Variants in APBA1 observed in about 807,000 individuals in gnomAD.
APBA1 encodes amyloid-beta A4 precursor protein-binding family A member 1.
In APBA1, 55 loss-of-function variants were observed where a neutral mutation model predicts 86.6. The ratio of observed to expected loss-of-function variants is 0.64; its 90% CI spans 0.51 to 0.80. The LOEUF is 0.80. APBA1 is among the 30% of genes least tolerant of loss of function. The pLI is 0.00. For synonymous variants in APBA1, 511 were observed against 493.9 expected (o/e 1.03, Z -0.46); for missense variants, 1,090 against 1,183.0 (o/e 0.92, Z 1.15).
chr9:69,457,023 A>C (rs1403618188), intron 7 of APBA1, 30 bp downstream of exon 7: 3 of 1,583,126 alleles, frequency 1.9e-6, no homozygotes, highest in Non-Finnish European at 2.6e-6. Flanking sequence ...ACTAAGCTTC[A>C]CCCTGGGAAA....
At chr9:69,552,286 C>T (rs1343992786) in intron 1 of APBA1, among the ~76,000 whole-genome samples, 1 of 152,232 alleles carries the variant, frequency 6.6e-6, no homozygotes, top group Non-Finnish European at 1.5e-5. Context: ...ATGTCCTCCA[C>T]CTTGCTTGAT....
chr9:69,446,275 C>T (rs191312122), intron 10 of APBA1, among the ~76,000 whole-genome samples: 5 of 152,026 alleles, frequency 3.3e-5, no homozygotes, highest in Middle Eastern at 3.4e-3. Context: ...GGGTGGTCCA[C>T]GGACGGACCA....
chr9:69,576,405 A>G (rs1821797848), intron 1 of APBA1, among the ~76,000 whole-genome samples: 1 of 152,220 alleles, frequency 6.6e-6, no homozygotes. Flanking sequence ...ACACATGCAC[A>G]CTTATGTTTA....
intron 5 of APBA1, chr9:69,464,566 G>T (rs1406060847): frequency 1.3e-5 from 2 of 152,200 alleles, no homozygotes; most frequent in African/African-American, 4.8e-5. Flanking sequence ...TGATTCAAAT[G>T]AACTGTGGAA....
chr9:69,450,911 C>CTTGG (rs1298195154), intron 9 of APBA1, among the ~76,000 whole-genome samples: 3 of 152,076 alleles, frequency 2.0e-5, no homozygotes, highest in Non-Finnish European at 4.4e-5. Context: ...CATCTACAAG[C>CTTGG]CAGAGAAAGG....
At chr9:69,532,299 G>C (rs1298877048) in intron 1 of APBA1, among the ~76,000 whole-genome samples, 2 of 152,146 alleles carry the variant, frequency 1.3e-5, no homozygotes, top group East Asian at 3.9e-4. Flanking sequence ...AAGTGAGACT[G>C]CTTCACTTTA....
intron 5 of APBA1, chr9:69,462,053 G>C (rs1332724037): frequency 1.3e-5 from 2 of 152,222 alleles, no homozygotes; most frequent in Admixed American, 1.3e-4. Context: ...GGCTAGTTAA[G>C]ATGAATATAT....
chr9:69,519,501 A>G lies in APBA1; in HGVS notation c.-69-2222T>C, dbSNP rs541430459. On this transcript the variant is annotated intron_variant, in intron 1 of 12. Coordinates refer to ENST00000265381, the MANE Select transcript of APBA1 (RefSeq NM_001163.4). ...TTCATAAGGACTTTCTCAAAAAGAC[A>G]ACAGATAAACCTTCATTAAATCTAC... is the stretch of plus-strand genomic sequence containing the variant. Among the ~76,000 whole-genome samples, 48 of 152,390 alleles carry G rather than the reference A, an allele frequency of 3.1e-4. No individual in the cohort carries two copies. In the South Asian group the frequency reaches 6.6e-3, roughly 21 times the overall value.
chr9:69,561,083 T>C (rs1049696893), intron 1 of APBA1, among the ~76,000 whole-genome samples: 2 of 152,184 alleles, frequency 1.3e-5, no homozygotes, highest in African/African-American at 4.8e-5. Context: ...AATACCACTT[T>C]ACAAAAATCC....
chr9:69,436,265 C>G (rs1834717805), intron 11 of APBA1, among the ~76,000 whole-genome samples: 2 of 149,852 alleles, frequency 1.3e-5, no homozygotes, highest in South Asian at 2.1e-4. Flanking sequence ...AATGTGGGCT[C>G]TTTTTTGGTT....
chr9:69,599,279 T>G (rs1026152047), intron 1 of APBA1, among the ~76,000 whole-genome samples: 1 of 152,238 alleles, frequency 6.6e-6, no homozygotes, highest in African/African-American at 2.4e-5. Context: ...CTGCATTTCA[T>G]TCCAACTGTC....
At chr9:69,621,614 G>A (rs893117352) in intron 1 of APBA1, among the ~76,000 whole-genome samples, 2 of 152,174 alleles carry the variant, frequency 1.3e-5, no homozygotes, top group Non-Finnish European at 2.9e-5. Flanking sequence ...TTCCACATCT[G>A]TAAAACATGT....
At chr9:69,456,124 G>T in intron 8 of APBA1, 123 bp downstream of exon 8, 1 of 1,103,976 alleles carries the variant, frequency 9.1e-7, no homozygotes, top group Non-Finnish European at 1.3e-6. Flanking sequence ...TGCTGGAACA[G>T]TGCCTGACAC....
At chr9:69,441,551 T>TCTTCTAACAAAG (rs1222115335) in intron 10 of APBA1, among the ~76,000 whole-genome samples, 2 of 152,250 alleles carry the variant, frequency 1.3e-5, no homozygotes, top group Non-Finnish European at 2.9e-5. Context: ...CAATGACTCC[T>TCTTCTAACAAAG]CTTCTAACAA....
At chr9:69,496,753 GA>G (rs60684348) in intron 2 of APBA1, among the ~76,000 whole-genome samples, 2,099 of 152,150 alleles carry the variant, frequency 0.014, 46 homozygotes, top group African/African-American at 0.048. Context: ...ATTATTTAAA[GA>G]GAGAAAATCT....
intron 2 of APBA1, among the ~76,000 whole-genome samples, chr9:69,511,719 T>G (rs1222312860): frequency 1.6e-4 from 25 of 151,884 alleles, no homozygotes; most frequent in African/African-American, 5.8e-4. Context: ...GTGGCACATA[T>G]ACACCATGGA....
intron 1 of APBA1, among the ~76,000 whole-genome samples, chr9:69,658,105 C>G (rs1211484971): frequency 6.6e-6 from 1 of 152,190 alleles, no homozygotes; most frequent in Non-Finnish European, 1.5e-5. Flanking sequence ...CCAGCAGCTA[C>G]TTCTCAGGAA....
chr9:69,661,841 C>T (rs1182792608), intron 1 of APBA1, among the ~76,000 whole-genome samples: 2 of 152,062 alleles, frequency 1.3e-5, no homozygotes, highest in South Asian at 2.1e-4. Context: ...CGCACACACT[C>T]GCTGTCTTTC....
At chr9:69,576,846 T>TA (rs1252638908) in intron 1 of APBA1, among the ~76,000 whole-genome samples, 2 of 152,176 alleles carry the variant, frequency 1.3e-5, no homozygotes, top group Non-Finnish European at 2.9e-5. Context: ...CCCTAAAACT[T>TA]AAAGTATAAT....
Sources: allele counts gnomAD v4.1 joint callset (sites outside exome capture counted in the v4.1 genomes callset), GRCh38; gene constraint gnomAD v4.1.1; transcripts MANE v1.5; gene names NCBI Gene and HGNC (gene_info 2026-07-23, HGNC 2026-07-21).